RNF180: variants seen among roughly 807,000 people sequenced by gnomAD.
The protein encoded by RNF180 is E3 ubiquitin-protein ligase RNF180.
Under a neutral mutation model 59.2 loss-of-function variants are expected in RNF180, and 38 were observed. The observed-to-expected ratio is 0.64, with a 90% CI of 0.50 to 0.84. The LOEUF (loss-of-function observed/expected upper bound fraction) is 0.84. Among genes scored for constraint, RNF180 ranks in the 40% least tolerant of loss-of-function variants. RNF180 has a pLI of 0.00. For missense variants in RNF180, 705 were observed against 700.9 expected (o/e 1.01, Z -0.07); for synonymous variants, 262 against 240.3 (o/e 1.09, Z -0.84).
At chr5:64,315,090 T>C (rs1228590474) in intron 5 of RNF180, among the ~76,000 whole-genome samples, 1 of 152,198 alleles carries the variant, frequency 6.6e-6, no homozygotes, top group African/African-American at 2.4e-5. Context: ...TTGGAAGATA[T>C]TCGTTTACTG....
intron 5 of RNF180, among the ~76,000 whole-genome samples, chr5:64,280,590 G>T (rs549383305): frequency 6.8e-4 from 102 of 149,832 alleles, no homozygotes; most frequent in African/African-American, 2.3e-3. Flanking sequence ...TTTTTTTGTC[G>T]ACTTTGTTGA....
Position 64,235,594 on chromosome 5 carries a change from A to G in RNF180, c.1227+18198A>G, listed in dbSNP as rs146907152. On this transcript the variant is annotated intron_variant, in intron 5 of 7. Transcript: ENST00000389100. Reference sequence around the variant, plus strand: ...ACCTACAATTCCAAAGTTTTCTAGGATAGACAACACCGTATTGAAGTTCTT... The same window carrying G: ...ACCTACAATTCCAAAGTTTTCTAGGGTAGACAACACCGTATTGAAGTTCTT... 4.0e-5 allele frequency among the ~76,000 whole-genome samples: 6 copies of G among 151,882 alleles called. No individual in the cohort carries two copies. In the East Asian group the frequency reaches 9.7e-4, roughly 25 times the overall value.
intron 1 of RNF180, among the ~76,000 whole-genome samples, chr5:64,195,173 A>G (rs908944749): frequency 2.0e-5 from 3 of 152,202 alleles, no homozygotes; most frequent in Non-Finnish European, 4.4e-5. Flanking sequence ...AATGTTTTCC[A>G]TGATCTTATC....
rs1424583091 is a variant in RNF180, at chr5:64,177,526, C to CATACATATATAT, written c.-1+11576_-1+11577insCATATATATATA. On this transcript the variant is annotated intron_variant, in intron 1 of 7. Transcript: ENST00000389100. Reference sequence around the variant, plus strand: ...TTTTTTTCAAAGGCATAAATTATGCCATATATATATATATATATATATATA... The same window carrying CATACATATATAT: ...TTTTTTTCAAAGGCATAAATTATGCCATACATATATATATATATATATATATATATATATATA... 3.8e-5 allele frequency among the ~76,000 whole-genome samples: 4 copies of CATACATATATAT among 105,238 alleles called. No homozygotes were observed. In the East Asian group the frequency reaches 1.4e-3, roughly 38 times the overall value. The allele number at this position is 105,238 out of a possible 152,430, so 69.0% of individuals were successfully genotyped here.
At chr5:64,277,605 C>A (rs747967585) in intron 5 of RNF180, among the ~76,000 whole-genome samples, 2 of 151,972 alleles carry the variant, frequency 1.3e-5, no homozygotes, top group South Asian at 4.1e-4. Context: ...AGGGGCTTGG[C>A]AAGTTGATGT....
chr5:64,341,495 T>A (rs1745354346), intron 7 of RNF180, among the ~76,000 whole-genome samples: 1 of 152,198 alleles, frequency 6.6e-6, no homozygotes, highest in South Asian at 2.1e-4. Context: ...TAAAGTTTGA[T>A]CACTGTGTGA....
At chr5:64,276,319 G>GGGGTGTGTGTGTGTGTGTGT (rs553123802) in intron 5 of RNF180, among the ~76,000 whole-genome samples, 3 of 138,086 alleles carry the variant, frequency 2.2e-5, no homozygotes, top group African/African-American at 8.3e-5. Context: ...AAAATACATT[G>GGGGTGTGTGTGTGTGTGTGT]GTGTGTGTGT....
intron 5 of RNF180, among the ~76,000 whole-genome samples, chr5:64,293,023 C>T (rs995727982): frequency 6.6e-6 from 1 of 152,190 alleles, no homozygotes; most frequent in East Asian, 1.9e-4. Context: ...AAATGGTGGT[C>T]CCTCCTCACC....
chr5:64,301,701 A>ATGTGTG (rs3069547), intron 5 of RNF180, among the ~76,000 whole-genome samples: 2 of 148,604 alleles, frequency 1.3e-5, no homozygotes, highest in African/African-American at 4.9e-5. Context: ...CCACATCAGA[A>ATGTGTG]TGTGTGTGTG....
chr5:64,341,800 G>A (rs548387125), intron 7 of RNF180, among the ~76,000 whole-genome samples: 112 of 152,216 alleles, frequency 7.4e-4, no homozygotes, highest in African/African-American at 2.6e-3. Context: ...ATGGCTGCAG[G>A]TTATTCTTGA....
intron 5 of RNF180, among the ~76,000 whole-genome samples, chr5:64,223,530 A>G (rs1327319189): frequency 7.1e-6 from 1 of 141,840 alleles, no homozygotes; most frequent in African/African-American, 2.8e-5. Context: ...TATTATCCCT[A>G]TTTTATAGAT....
intron 4 of RNF180, among the ~76,000 whole-genome samples, chr5:64,216,917 A>C (rs1050318819): frequency 1.3e-5 from 2 of 152,184 alleles, no homozygotes; most frequent in Non-Finnish European, 2.9e-5. Flanking sequence ...AGGTTTATAT[A>C]ATGACCAACA....
intron 1 of RNF180, among the ~76,000 whole-genome samples, chr5:64,169,110 A>C (rs979578741): frequency 1.3e-5 from 2 of 152,152 alleles, no homozygotes; most frequent in Admixed American, 1.3e-4. Flanking sequence ...TTCAGGAAAA[A>C]CTAGTTTGGT....
chr5:64,221,316 T>G (rs1741321170), intron 5 of RNF180, among the ~76,000 whole-genome samples: 1 of 152,108 alleles, frequency 6.6e-6, no homozygotes, highest in Non-Finnish European at 1.5e-5. Flanking sequence ...ACACATTTCT[T>G]ATGGTTTTAT....
intron 5 of RNF180, among the ~76,000 whole-genome samples, chr5:64,293,413 C>A (rs1742714882): frequency 6.6e-6 from 1 of 152,134 alleles, no homozygotes; most frequent in Non-Finnish European, 1.5e-5. Context: ...TGCTTCTAAT[C>A]GGCCACCTTG....
intron 7 of RNF180, among the ~76,000 whole-genome samples, chr5:64,361,315 T>C (rs1418499951): frequency 6.6e-6 from 1 of 151,424 alleles, no homozygotes; most frequent in Non-Finnish European, 1.5e-5. Flanking sequence ...GAAGGAATGG[T>C]ATATATGAGG....
At chr5:64,217,564 G>T in intron 5 of RNF180, 168 bp downstream of exon 5, 2 of 1,086,296 alleles carry the variant, frequency 1.8e-6, no homozygotes, top group Non-Finnish European at 2.4e-6. Context: ...ATAGACAGTT[G>T]TATCACATCA....
intron 1 of RNF180, among the ~76,000 whole-genome samples, chr5:64,182,852 C>G (rs1350483820): frequency 2.6e-5 from 4 of 152,150 alleles, no homozygotes; most frequent in African/African-American, 9.7e-5. Flanking sequence ...CAGACCCTGT[C>G]AATGTATTGG....
At chr5:64,259,369 T>G (rs1744179107) in intron 5 of RNF180, among the ~76,000 whole-genome samples, 1 of 152,034 alleles carries the variant, frequency 6.6e-6, no homozygotes, top group African/African-American at 2.4e-5. Context: ...TTGGAAGAGA[T>G]CAGTGTCTAG....
Sources: gnomAD v4.1 joint callset for allele counts (sites outside exome capture counted in the v4.1 genomes callset) on GRCh38, gnomAD v4.1.1 for gene constraint, MANE v1.5 for transcripts, NCBI Gene and HGNC (gene_info 2026-07-23, HGNC 2026-07-21) for gene names.